GPR37L1: variants seen among roughly 807,000 people sequenced by gnomAD.
The protein encoded by GPR37L1 is G protein-coupled receptor 37 like 1, also known as G protein-coupled receptor 37-like 1.
Under a neutral mutation model 18.0 loss-of-function variants are expected in GPR37L1, and 18 were observed. The observed-to-expected ratio is 1.00, with a 90% CI of 0.69 to 1.49. The LOEUF is 1.49. GPR37L1 is among the 40% of genes most tolerant of loss of function. The pLI is 0.00. For missense variants in GPR37L1, 558 were observed against 615.1 expected, an observed-to-expected ratio of 0.91 and a Z score of 0.98; for synonymous variants, 256 against 273.9, an observed-to-expected ratio of 0.93 and a Z score of 0.65.
rs1381146233 is a variant in GPR37L1, at chr1:202,131,609, T to TC, written c.*3054dup. ...TAATAGGTTATGTGTGTTTTTTTTTTCTTAAGAGCTGGGTGGGGGGGTCTC... is the reference window on the plus strand; with the variant it reads ...TAATAGGTTATGTGTGTTTTTTTTTTCCTTAAGAGCTGGGTGGGGGGGTCTC... On this transcript the variant is annotated 3_prime_UTR_variant, in exon 2 of 2. Coordinates refer to ENST00000367282, the MANE Select transcript of GPR37L1 (RefSeq NM_004767.5). The TC allele has an allele frequency of 1.3e-5, 2 of 152,072 alleles. No individual in the cohort carries two copies. Among genetic ancestry groups the TC allele is most frequent in the Non-Finnish European group, 2.9e-5 (2 of 68,052 alleles). The allele number at this position is 152,072 out of a possible 1,614,324, so 9.4% of individuals were successfully genotyped here.
In GPR37L1 at chr1:202,128,481, C is replaced by T. The variant is rs375036161; in HGVS notation, c.1371C>T (p.Thr457=). 12 of 1,609,564 alleles carry T rather than the reference C, an allele frequency of 7.5e-6. No homozygotes were observed. Among genetic ancestry groups the T allele is most frequent in the East Asian group, 2.2e-5 (1 of 44,754 alleles). The change falls in exon 2 of 2, where the codon ACC becomes ACT. Residue 457 remains threonine (T), a synonymous_variant. Coordinates refer to ENST00000367282, the MANE Select transcript of GPR37L1 (RefSeq NM_004767.5). ...AANGSDNKLK[T]EVSSSIYFHK... Reference sequence around the variant, plus strand: ...ATGGGTCGGACAACAAGCTCAAGACCGAGGTGTCCTCTTCCATCTACTTCC... The same window carrying T: ...ATGGGTCGGACAACAAGCTCAAGACTGAGGTGTCCTCTTCCATCTACTTCC...
At position 202,123,482 on chromosome 1, in the gene GPR37L1, C is replaced by A. The variant is rs775364295; in HGVS notation, c.519C>A (p.Ala173=). ...GGAACTCCATCCTTGCCAGCCTGGCCCTCTGGGATTTTCTGGTCCTCTTTT... is the reference window on the plus strand; with the variant it reads ...GGAACTCCATCCTTGCCAGCCTGGCACTCTGGGATTTTCTGGTCCTCTTTT... ...SAWNSILASL[A]LWDFLVLFFC... The change falls in exon 1 of 2, where the codon GCC becomes GCA. Residue 173 remains alanine (A), a synonymous_variant. Coordinates refer to ENST00000367282, the MANE Select transcript of GPR37L1 (RefSeq NM_004767.5). 6.8e-5 allele frequency: 109 copies of A among 1,613,886 alleles called. No individual in the cohort carries two copies. Among genetic ancestry groups the A allele is most frequent in the Admixed American group, 4.2e-4 (25 of 59,966 alleles).
In GPR37L1 at chr1:202,131,465, A is replaced by G. The variant is rs1222405739; in HGVS notation, c.*2909A>G. The G allele has an allele frequency of 1.3e-5, 2 of 152,154 alleles. No individual in the cohort carries two copies. The highest frequency in any genetic ancestry group is 4.8e-5 in the African/African-American group (2 of 41,424). 9.4% of individuals were successfully genotyped at this position (152,154 alleles called of 1,614,324 possible). A position where few individuals can be genotyped will look rare whatever the true frequency, so the allele number is the denominator to read the frequency against. On this transcript the variant is annotated 3_prime_UTR_variant, in exon 2 of 2. Transcript: ENST00000367282. ...TTCCTTCCTCTCCTTTGGGAATTCA[A>G]TTCTCTAGTGTTAGGAGCAGGCTTG...
chr1:202,124,799 G>A (rs1052370668), intron 1 of GPR37L1, among the ~76,000 whole-genome samples: 1 of 152,146 alleles, frequency 6.6e-6, no homozygotes. Context: ...TCTCAGCAGT[G>A]GGTACAGTCC....
At position 202,126,140 on chromosome 1, in the gene GPR37L1, T is replaced by C. The variant is rs189311021; in HGVS notation, c.631-1601T>C. Among the ~76,000 whole-genome samples the C allele has an allele frequency of 5.6e-3, 859 of 152,244 alleles. 3 individuals are homozygous for C. The highest frequency in any genetic ancestry group is 9.0e-3 in the Non-Finnish European group (614 of 68,010). On this transcript the variant is annotated intron_variant, in intron 1 of 1. Coordinates refer to ENST00000367282, the MANE Select transcript of GPR37L1 (RefSeq NM_004767.5). ...AATAGAAGGGCAGGGCCGGGCACGG[T>C]GGCTCACCCCTGTAATCCCAGCACT...
intron 1 of GPR37L1, among the ~76,000 whole-genome samples, chr1:202,126,872 C>T (rs974391709): frequency 6.0e-5 from 4 of 67,054 alleles, no homozygotes; most frequent in East Asian, 4.1e-4. Flanking sequence ...TGTGTGTGCA[C>T]GCGTAAGCCA....
chr1:202,123,360 A>T lies in GPR37L1; in HGVS notation c.397A>T (p.Ile133Phe). The T allele has an allele frequency of 6.2e-7, 1 of 1,614,180 alleles. No individual in the cohort carries two copies. Among genetic ancestry groups the T allele is most frequent in the East Asian group, 2.2e-5 (1 of 44,872 alleles). ...VTESSYSAYA[I>F]MLLALVVFAV... ...CGAGAGCTCCTACAGTGCCTATGCC[A>T]TCATGCTTCTGGCGCTGGTGGTGTT... is the stretch of plus-strand genomic sequence containing the variant. The change falls in exon 1 of 2, where the codon ATC becomes TTC. Residue 133 changes from isoleucine to phenylalanine, a missense_variant. Ile to Phe is a conservative substitution (Grantham distance 21, BLOSUM62 0). Coordinates refer to ENST00000367282, the MANE Select transcript of GPR37L1 (RefSeq NM_004767.5).
chr1:202,131,536 C>T lies in GPR37L1; in HGVS notation c.*2980C>T, dbSNP rs1466217843. 2.6e-5 allele frequency: 4 copies of T among 152,126 alleles called. No homozygotes were observed. The highest frequency in any genetic ancestry group is 2.1e-4 in the South Asian group (1 of 4,828). The allele number at this position is 152,126 out of a possible 1,614,324, so 9.4% of individuals were successfully genotyped here. A position where few individuals can be genotyped will look rare whatever the true frequency, so the allele number is the denominator to read the frequency against. ...ATCCAGGTTTTGGCATCAAAGGGCC[C>T]CAAACATGACAATTTACCTATACTC... On this transcript the variant is annotated 3_prime_UTR_variant, in exon 2 of 2. Transcript: ENST00000367282.
chr1:202,123,650 C>T, intron 1 of GPR37L1, 57 bp downstream of exon 1: 1 of 1,457,106 alleles, frequency 6.9e-7, no homozygotes, highest in African/African-American at 1.4e-5. Context: ...GGAAGGGACT[C>T]AAAGTCTCCA....
At chr1:202,126,834 C>CGTGTGTGTGT (rs1553315405) in intron 1 of GPR37L1, among the ~76,000 whole-genome samples, 2 of 64,230 alleles carry the variant, frequency 3.1e-5, no homozygotes, top group South Asian at 7.3e-4. Flanking sequence ...GGAGCAGAAA[C>CGTGTGTGTGT]GTGCGTGTGT....
rs535629807 is a variant in GPR37L1, at chr1:202,128,845, C to T, written c.*289C>T. The T allele has an allele frequency of 1.2e-5, 4 of 326,352 alleles. No homozygotes were observed. The highest frequency in any genetic ancestry group is 2.2e-5 in the Non-Finnish European group (4 of 178,406). 20.2% of individuals were successfully genotyped at this position (326,352 alleles called of 1,614,324 possible). ...CAGCTGGGAGCCAGAACTTTGCCTGCCCTCCCTTGGTTCCAGTCTCTCTTC... is the reference window on the plus strand; with the variant it reads ...CAGCTGGGAGCCAGAACTTTGCCTGTCCTCCCTTGGTTCCAGTCTCTCTTC... On this transcript the variant is annotated 3_prime_UTR_variant, in exon 2 of 2. Transcript: ENST00000367282.
rs753151926 is a variant in GPR37L1 at position 202,128,495 on chromosome 1, C to G, written c.1385C>G (p.Ser462Cys). The G allele has an allele frequency of 3.1e-6, 5 of 1,606,324 alleles. No individual in the cohort carries two copies. The South Asian group carries it at 5.6e-5, about 18-fold the overall frequency. ...AAGCTCAAGACCGAGGTGTCCTCTT[C>G]CATCTACTTCCACAAGCCCAGGGAG... ...DNKLKTEVSS[S>C]IYFHKPRESP... The change falls in exon 2 of 2, where the codon TCC becomes TGC. Residue 462 changes from serine to cysteine, a missense_variant. Transcript: ENST00000367282.
rs1654748311 is a variant in GPR37L1 at position 202,128,632 on chromosome 1, T to C, written c.*76T>C. The C allele has an allele frequency of 1.1e-6, 1 of 892,350 alleles. No homozygotes were observed. The highest frequency in any genetic ancestry group is 1.7e-6 in the Non-Finnish European group (1 of 585,060). The allele number at this position is 892,350 out of a possible 1,614,324, so 55.3% of individuals were successfully genotyped here. Reference sequence around the variant, plus strand: ...TCTGCTGTTCTTTCCCCATAGGTCTTGCTTTGTTGCCTGTCTTGCTGTCTA... The same window carrying C: ...TCTGCTGTTCTTTCCCCATAGGTCTCGCTTTGTTGCCTGTCTTGCTGTCTA... On this transcript the variant is annotated 3_prime_UTR_variant, in exon 2 of 2. Transcript: ENST00000367282.
rs1472962696 is a variant in GPR37L1 at position 202,131,074 on chromosome 1, A to G, written c.*2518A>G. Reference sequence around the variant, plus strand: ...CTCGCAGCCTGGGCCAGCTGGGGGAACAATGTAGGGTTTGTTGCTTAGGGG... The same window carrying G: ...CTCGCAGCCTGGGCCAGCTGGGGGAGCAATGTAGGGTTTGTTGCTTAGGGG... On this transcript the variant is annotated 3_prime_UTR_variant, in exon 2 of 2. Transcript: ENST00000367282. 6.6e-6 allele frequency: 1 copy of G among 152,256 alleles called. No homozygotes were observed. The highest frequency in any genetic ancestry group is 1.9e-4 in the East Asian group (1 of 5,194). The allele number at this position is 152,256 out of a possible 1,614,324, so 9.4% of individuals were successfully genotyped here. A position where few individuals can be genotyped will look rare whatever the true frequency, so the allele number is the denominator to read the frequency against.
At chr1:202,126,789 C>G (rs1027404812) in intron 1 of GPR37L1, among the ~76,000 whole-genome samples, 1 of 151,976 alleles carries the variant, frequency 6.6e-6, no homozygotes, top group Non-Finnish European at 1.5e-5. Flanking sequence ...CACTTCCCCA[C>G]ACAGCCAGGT....
At chr1:202,126,300 C>G (rs924209428) in intron 1 of GPR37L1, among the ~76,000 whole-genome samples, 3 of 151,760 alleles carry the variant, frequency 2.0e-5, no homozygotes, top group Non-Finnish European at 4.4e-5. Context: ...CCCAGCTACT[C>G]GGGAGGCTGA....
chr1:202,127,457 G>C (rs1460776590), intron 1 of GPR37L1, among the ~76,000 whole-genome samples: 2 of 152,044 alleles, frequency 1.3e-5, no homozygotes, highest in Non-Finnish European at 2.9e-5. Context: ...TGGGACCACA[G>C]GCGTGCCTCA....
intron 1 of GPR37L1, among the ~76,000 whole-genome samples, chr1:202,126,833 A>ACGTG (rs1390628724): frequency 9.9e-4 from 80 of 81,218 alleles, no homozygotes; most frequent in Middle Eastern, 6.6e-3. Flanking sequence ...AGGAGCAGAA[A>ACGTG]CGTGCGTGTG....
chr1:202,124,391 G>A (rs1230807453), intron 1 of GPR37L1, among the ~76,000 whole-genome samples: 1 of 152,224 alleles, frequency 6.6e-6, no homozygotes, highest in South Asian at 2.1e-4. Flanking sequence ...CTGTTTCACA[G>A]TTCTAAAGTA....
Sources: gnomAD v4.1 joint callset for allele counts (sites outside exome capture counted in the v4.1 genomes callset) on GRCh38, gnomAD v4.1.1 for gene constraint, MANE v1.5 for transcripts, NCBI Gene and HGNC (gene_info 2026-07-23, HGNC 2026-07-21) for gene names.